Variants in CFAP77 observed in about 807,000 individuals in gnomAD.
The protein encoded by CFAP77 is cilia- and flagella-associated protein 77.
Under a neutral mutation model 31.1 loss-of-function variants are expected in CFAP77, and 25 were observed. That is an observed-to-expected ratio of 0.80 (90% CI 0.59 to 1.12). The LOEUF is 1.12. Ranked by LOEUF, CFAP77 falls within the 50% of genes most tolerant of loss-of-function variation. CFAP77 has a pLI of 0.00. For missense variants in CFAP77, 377 were observed against 397.3 expected, an observed-to-expected ratio of 0.95 and a Z score of 0.44; for synonymous variants, 151 against 159.9, an observed-to-expected ratio of 0.94 and a Z score of 0.42.
chr9:132,522,930 G>T (rs978620548), intron 3 of CFAP77, among the ~76,000 whole-genome samples: 1 of 152,212 alleles, frequency 6.6e-6, no homozygotes, highest in African/African-American at 2.4e-5. Flanking sequence ...ACTCTCAGGA[G>T]TCCTTTTCTT....
At chr9:132,472,499 G>A (rs561056790) in intron 1 of CFAP77, among the ~76,000 whole-genome samples, 1 of 152,346 alleles carries the variant, frequency 6.6e-6, no homozygotes, top group South Asian at 2.1e-4. Context: ...GCTCACGCCT[G>A]TAATCCCAAT....
At chr9:132,550,814 T>C (rs1008196549) in intron 5 of CFAP77, among the ~76,000 whole-genome samples, 1 of 152,154 alleles carries the variant, frequency 6.6e-6, no homozygotes, top group African/African-American at 2.4e-5. Flanking sequence ...CAAAGCCACC[T>C]GACATGGTGC....
chr9:132,523,286 G>A (rs1052578305), intron 3 of CFAP77, among the ~76,000 whole-genome samples: 14 of 151,976 alleles, frequency 9.2e-5, no homozygotes, highest in African/African-American at 2.7e-4. Context: ...ACAGGGTTTC[G>A]CCACATTGGC....
At chr9:132,491,942 TTA>T (rs1293862527) in intron 1 of CFAP77, among the ~76,000 whole-genome samples, 8 of 152,308 alleles carry the variant, frequency 5.3e-5, no homozygotes, top group East Asian at 1.9e-4. Context: ...GGACTTACTG[TTA>T]TGTTTTCTGA....
chr9:132,474,039 C>T (rs971047652), intron 1 of CFAP77, among the ~76,000 whole-genome samples: 5 of 152,170 alleles, frequency 3.3e-5, no homozygotes, highest in South Asian at 2.1e-4. Flanking sequence ...CCTCTCCTCA[C>T]GAACCCGAGT....
intron 1 of CFAP77, among the ~76,000 whole-genome samples, chr9:132,465,092 A>G: frequency 6.8e-6 from 1 of 146,328 alleles, no homozygotes; most frequent in South Asian, 2.1e-4. Context: ...AAAAAAAAAA[A>G]AGAAAAAAAG....
rs138735823 is a variant in CFAP77, at chr9:132,499,457, G to A, written c.381G>A (p.Ala127=). The change falls in exon 3 of 6, where the codon GCG becomes GCA. Residue 127 remains alanine (A), a synonymous_variant. Coordinates refer to ENST00000393216, the MANE Select transcript of CFAP77 (RefSeq NM_001282957.2). The surrounding 1 kb of genome is among the most constrained non-coding windows in gnomAD (Gnocchi z 5.4). ...TRNYIAMNRG[A]VKAGLVTARE... ...ATTATATCGCAATGAACCGCGGGGC[G>A]GTGAAAGCCGGCCTGGTGACTGCCC... 1.4e-4 allele frequency: 222 copies of A among 1,614,206 alleles called. 1 individual carries two copies. The African/African-American group carries it at 2.2e-3, about 16-fold the overall frequency.
At chr9:132,506,464 A>G (rs1851932175) in intron 3 of CFAP77, among the ~76,000 whole-genome samples, 1 of 152,024 alleles carries the variant, frequency 6.6e-6, no homozygotes, top group East Asian at 1.9e-4. Context: ...GGGGAGGAGC[A>G]GGGAGGGCCC....
intron 1 of CFAP77, among the ~76,000 whole-genome samples, chr9:132,484,383 G>A (rs1380608095): frequency 6.6e-6 from 1 of 152,142 alleles, no homozygotes; most frequent in Non-Finnish European, 1.5e-5. Flanking sequence ...CCAAAAGGAA[G>A]CTCTGTACCC....
intron 3 of CFAP77, among the ~76,000 whole-genome samples, chr9:132,510,307 A>G (rs893523672): frequency 6.6e-6 from 1 of 152,242 alleles, no homozygotes; most frequent in African/African-American, 2.4e-5. Context: ...GGAGGGGCAC[A>G]GCGAAAGCCC....
At chr9:132,414,998 C>G (rs1312627255) in intron 1 of CFAP77, among the ~76,000 whole-genome samples, 1 of 152,166 alleles carries the variant, frequency 6.6e-6, no homozygotes, top group African/African-American at 2.4e-5. Context: ...CCCAGTTGTA[C>G]AAATATCCCA....
chr9:132,532,278 C>A (rs535782656), intron 3 of CFAP77, among the ~76,000 whole-genome samples: 1 of 152,162 alleles, frequency 6.6e-6, no homozygotes, highest in Non-Finnish European at 1.5e-5. Flanking sequence ...CGGAGCACGG[C>A]CAGGACCCAG....
rs552962634 is a variant in CFAP77 at position 132,511,794 on chromosome 9, G to A, written c.524+12194G>A. On this transcript the variant is annotated intron_variant, in intron 3 of 5. Transcript: ENST00000393216. The surrounding 1 kb of genome is among the most constrained non-coding windows in gnomAD (Gnocchi z 5.8). ...ATGAAGCGGCCGCGCGGCGGCTCAC[G>A]CCTGTCATCCCAGCACTGTGGGAGG... Among the ~76,000 whole-genome samples the A allele has an allele frequency of 2.2e-3, 333 of 152,270 alleles. No homozygotes were observed. Among genetic ancestry groups the A allele is most frequent in the African/African-American group, 7.6e-3 (316 of 41,568 alleles).
intron 1 of CFAP77, among the ~76,000 whole-genome samples, chr9:132,415,891 A>G (rs1850086925): frequency 6.6e-6 from 1 of 152,242 alleles, no homozygotes; most frequent in African/African-American, 2.4e-5. Context: ...AAGAAAATGC[A>G]TCTTTATATT....
rs139792945 is a variant in CFAP77 at position 132,419,682 on chromosome 9, CT to C, written c.195+9225del. 3.6e-3 allele frequency among the ~76,000 whole-genome samples: 538 copies of C among 151,416 alleles called. 6 individuals carry two copies. Among genetic ancestry groups the C allele is most frequent in the Middle Eastern group, 6.8e-3 (2 of 294 alleles). On this transcript the variant is annotated intron_variant, in intron 1 of 5. Transcript: ENST00000393216. ...AGATCTTTAAGAGCCAAGATATTGG[CT>C]TTTTTTTTCCTTTTTATGCATTTAA...
At chr9:132,430,431 T>C (rs546660297) in intron 1 of CFAP77, among the ~76,000 whole-genome samples, 1 of 152,140 alleles carries the variant, frequency 6.6e-6, no homozygotes, top group Non-Finnish European at 1.5e-5. Context: ...CTTAAGATAG[T>C]TACATTTATC....
intron 1 of CFAP77, among the ~76,000 whole-genome samples, chr9:132,474,385 C>T (rs1851312221): frequency 6.6e-6 from 1 of 152,290 alleles, no homozygotes; most frequent in South Asian, 2.1e-4. Flanking sequence ...TATAAAACTG[C>T]GACTCCGGAT....
intron 3 of CFAP77, among the ~76,000 whole-genome samples, chr9:132,523,964 A>G (rs1226949313): frequency 1.3e-5 from 2 of 152,054 alleles, no homozygotes; most frequent in Non-Finnish European, 2.9e-5. Flanking sequence ...GCATTAGCCT[A>G]TTTGATTTGG....
intron 5 of CFAP77, among the ~76,000 whole-genome samples, chr9:132,563,071 G>C (rs1452872404): frequency 6.6e-6 from 1 of 151,992 alleles, no homozygotes; most frequent in Non-Finnish European, 1.5e-5. Context: ...CTAGGCTGGA[G>C]TGCAGGGGTA....
Sources: allele counts gnomAD v4.1 joint callset (sites outside exome capture counted in the v4.1 genomes callset), GRCh38; gene constraint gnomAD v4.1.1; non-coding constraint Gnocchi (gnomAD v3.1); transcripts MANE v1.5; gene names NCBI Gene and HGNC (gene_info 2026-07-23, HGNC 2026-07-21).